The following WWTR1 variants were observed in gnomAD, a reference collection of about 807,000 sequenced individuals.
WWTR1 encodes WW domain-containing transcription regulator protein 1.
In WWTR1, 13 loss-of-function variants were observed where a neutral mutation model predicts 40.1. The ratio of observed to expected loss-of-function variants is 0.32; its 90% confidence interval spans 0.21 to 0.52. The LOEUF is 0.52. Ranked by LOEUF, WWTR1 falls within the 20% of genes least tolerant of loss-of-function variation. The pLI is 0.97. For synonymous variants in WWTR1, 230 were observed against 210.1 expected, an observed-to-expected ratio of 1.09 and a Z score of -0.82; for missense variants, 436 against 523.1, an observed-to-expected ratio of 0.83 and a Z score of 1.63.
upstream of WWTR1, among the ~76,000 whole-genome samples, chr3:149,662,312 TCTGA>T (rs1457536316): frequency 1.3e-5 from 2 of 152,214 alleles, no homozygotes; most frequent in East Asian, 3.9e-4. Context: ...ATACTTTTTG[TCTGA>T]CTATCTCATA....
In WWTR1 at chr3:149,696,085, C is replaced by G. The variant is rs371353463; in HGVS notation, c.-108+7039G>C. Among the ~76,000 whole-genome samples the G allele has an allele frequency of 1.4e-4, 19 of 132,266 alleles. No homozygotes were observed. In the East Asian group the frequency reaches 4.0e-3, roughly 28 times the overall value. The allele number at this position is 132,266 out of a possible 152,430, so 86.8% of individuals were successfully genotyped here. ...CCGAGATCACGCCACTGCACTCCAGCCTGGGCGACAGAGCGAGACTCTGTC... is the reference window on the plus strand; with the variant it reads ...CCGAGATCACGCCACTGCACTCCAGGCTGGGCGACAGAGCGAGACTCTGTC... On this transcript the variant is annotated intron_variant, in intron 1 of 7. Transcript: ENST00000465804.
chr3:149,696,112 CAAAAA>C (rs368629673), intron 1 of WWTR1, among the ~76,000 whole-genome samples: 1 of 77,140 alleles, frequency 1.3e-5, no homozygotes, highest in Non-Finnish European at 2.3e-5. Context: ...GACTCTGTCT[CAAAAA>C]AAAAAAAAAA....
chr3:149,606,645 T>C (rs1031081759), intron 2 of WWTR1, among the ~76,000 whole-genome samples: 8 of 151,964 alleles, frequency 5.3e-5, no homozygotes, highest in African/African-American at 1.9e-4. Context: ...GAGAATAGAG[T>C]GATGGGCAAT....
chr3:149,524,028 G>C (rs1392062431), intron 6 of WWTR1, among the ~76,000 whole-genome samples: 1 of 152,200 alleles, frequency 6.6e-6, no homozygotes, highest in Non-Finnish European at 1.5e-5. Flanking sequence ...CTTCTTACTG[G>C]AGAAGAGCAC....
intron 2 of WWTR1, among the ~76,000 whole-genome samples, chr3:149,628,737 T>TTTTTTA (rs1711497962): frequency 6.9e-6 from 1 of 144,650 alleles, no homozygotes; most frequent in African/African-American, 2.6e-5. Flanking sequence ...CTTTTTATTT[T>TTTTTTA]TTTTATTTTA....
intron 3 of WWTR1, among the ~76,000 whole-genome samples, chr3:149,568,546 A>AC (rs1737455576): frequency 2.2e-5 from 3 of 139,508 alleles, no homozygotes; most frequent in Non-Finnish European, 3.0e-5. Flanking sequence ...AAAAAAAAAA[A>AC]AAAAAAAAAA....
chr3:149,717,807 T>C (rs1179539937), intron 4 of WWTR1, among the ~76,000 whole-genome samples: 1 of 152,206 alleles, frequency 6.6e-6, no homozygotes, highest in Non-Finnish European at 1.5e-5. Flanking sequence ...GTCTCTCTTA[T>C]GGAAATTCAG....
chr3:149,702,345 G>T (rs183256405), intron 1 of WWTR1: 1 of 152,106 alleles, frequency 6.6e-6, no homozygotes, highest in Admixed American at 6.5e-5. Context: ...AGAATGGCAG[G>T]CTGGCTCAAT....
In WWTR1 at chr3:149,542,323, G is replaced by A; in HGVS notation, c.771+12C>T. On this transcript the variant is annotated intron_variant, in intron 4 of 6. Coordinates refer to ENST00000360632, the MANE Select transcript of WWTR1 (RefSeq NM_015472.6). The stretch of plus-strand genomic sequence containing the variant: ...CCAGGGAGCCTCCACCAGACACCAT[G>A]GAAAGCCATACCTGCCTCATGAGCT... 1 of 1,609,690 alleles carries A rather than the reference G, an allele frequency of 6.2e-7. No individual in the cohort carries two copies. The highest frequency in any genetic ancestry group is 8.5e-7 in the Non-Finnish European group (1 of 1,177,738).
intron 2 of WWTR1, among the ~76,000 whole-genome samples, chr3:149,592,249 G>A (rs1001905834): frequency 1.3e-5 from 2 of 152,104 alleles, no homozygotes; most frequent in African/African-American, 4.8e-5. Context: ...CCACATTTCT[G>A]TAATTCATTT....
intron 6 of WWTR1, among the ~76,000 whole-genome samples, chr3:149,525,376 G>A (rs1036518108): frequency 6.6e-6 from 1 of 151,992 alleles, no homozygotes; most frequent in African/African-American, 2.4e-5. Flanking sequence ...ACCCCAATGT[G>A]GAAACATGGC....
chr3:149,632,807 T>A (rs1711607801), intron 2 of WWTR1, among the ~76,000 whole-genome samples: 1 of 152,248 alleles, frequency 6.6e-6, no homozygotes, highest in African/African-American at 2.4e-5. Flanking sequence ...CATAAAAGAC[T>A]ACATATCATA....
intron 2 of WWTR1, among the ~76,000 whole-genome samples, chr3:149,636,206 A>G (rs1406595038): frequency 2.0e-5 from 3 of 152,234 alleles, no homozygotes. Context: ...TACTTGCTAC[A>G]ACTAGCTTTT....
At chr3:149,528,738 C>T (rs1314073831) in intron 4 of WWTR1, among the ~76,000 whole-genome samples, 1 of 152,034 alleles carries the variant, frequency 6.6e-6, no homozygotes, top group Non-Finnish European at 1.5e-5. Flanking sequence ...CACTGTACTC[C>T]AGCCTGGGTG....
chr3:149,598,709 A>G (rs1381766786), intron 2 of WWTR1, among the ~76,000 whole-genome samples: 1 of 152,178 alleles, frequency 6.6e-6, no homozygotes, highest in African/African-American at 2.4e-5. Context: ...AACTTTCATC[A>G]ACATCATAAT....
chr3:149,620,074 C>A (rs148750984), intron 2 of WWTR1, among the ~76,000 whole-genome samples: 1 of 152,142 alleles, frequency 6.6e-6, no homozygotes, highest in African/African-American at 2.4e-5. Context: ...TATAGAAAAA[C>A]GCTTTCTTAA....
At chr3:149,642,726 G>C (rs7645592) in intron 2 of WWTR1, among the ~76,000 whole-genome samples, 1 of 149,314 alleles carries the variant, frequency 6.7e-6, no homozygotes, top group Non-Finnish European at 1.5e-5. Flanking sequence ...AGTGAGCCGA[G>C]ATCGGGCCAC....
intron 2 of WWTR1, among the ~76,000 whole-genome samples, chr3:149,585,548 C>T (rs1261772817): frequency 7.7e-6 from 1 of 129,552 alleles, no homozygotes; most frequent in Non-Finnish European, 1.7e-5. Flanking sequence ...CCCCCACCAG[C>T]ACCCCACAAT....
intron 1 of WWTR1, among the ~76,000 whole-genome samples, chr3:149,682,123 T>C (rs1234942315): frequency 2.0e-5 from 3 of 152,182 alleles, no homozygotes; most frequent in Non-Finnish European, 4.4e-5. Flanking sequence ...GTAAGTACCG[T>C]AGACTGATCC....
Sources: gnomAD v4.1 joint callset for allele counts (sites outside exome capture counted in the v4.1 genomes callset) on GRCh38, gnomAD v4.1.1 for gene constraint, MANE v1.5 for transcripts, NCBI Gene and HGNC (gene_info 2026-07-23, HGNC 2026-07-21) for gene names.